CTTNBP2NL: variants seen among roughly 807,000 people sequenced by gnomAD.
CTTNBP2NL encodes CTTNBP2 N-terminal like.
CTTNBP2NL carries 16 observed loss-of-function variants against 32.5 expected under a neutral mutation model. That is an observed-to-expected ratio of 0.49 (90% confidence interval 0.33 to 0.75). The LOEUF (loss-of-function observed/expected upper bound fraction) is 0.75, where lower values mean the gene tolerates loss of function less well. Ranked by LOEUF, CTTNBP2NL falls within the 30% of genes least tolerant of loss-of-function variation. The pLI is 0.02. For missense variants in CTTNBP2NL, 645 were observed against 756.0 expected (o/e 0.85, Z 1.72); for synonymous variants, 298 against 289.4 (o/e 1.03, Z -0.30).
intron 3 of CTTNBP2NL, among the ~76,000 whole-genome samples, chr1:112,422,852 G>T (rs950586152): frequency 3.9e-5 from 6 of 152,104 alleles, no homozygotes; most frequent in Non-Finnish European, 8.8e-5. Flanking sequence ...GAGTACAGTG[G>T]TGTAATCATG....
chr1:112,416,392 C>A, intron 3 of CTTNBP2NL, 128 bp downstream of exon 3: 2 of 578,076 alleles, frequency 3.5e-6, no homozygotes, highest in South Asian at 2.2e-5. Flanking sequence ...CTGATACTTG[C>A]CATAGGTAGC....
At chr1:112,418,287 T>A (rs947016774) in intron 3 of CTTNBP2NL, among the ~76,000 whole-genome samples, 1 of 152,144 alleles carries the variant, frequency 6.6e-6, no homozygotes, top group Non-Finnish European at 1.5e-5. Flanking sequence ...AGAGCTACAT[T>A]CCTATTCCAA....
chr1:112,397,172 CAATGAAT>C (rs1316845671), intron 1 of CTTNBP2NL, among the ~76,000 whole-genome samples: 8 of 152,250 alleles, frequency 5.3e-5, no homozygotes, highest in Admixed American at 5.2e-4. Context: ...GCTTGACAGT[CAATGAAT>C]AACACCATGT....
At chr1:112,391,174 G>A in the CTTNBP2NL span, among the ~76,000 whole-genome samples, 1 of 152,324 alleles carries the variant, frequency 6.6e-6, no homozygotes, top group Non-Finnish European at 1.5e-5. Context: ...AAATGCAGGG[G>A]GCAGTGGAGG....
At chr1:112,431,805 G>T (rs998733698) in intron 3 of CTTNBP2NL, among the ~76,000 whole-genome samples, 5 of 151,938 alleles carry the variant, frequency 3.3e-5, no homozygotes, top group Admixed American at 6.6e-5. Flanking sequence ...ATGTAATTAG[G>T]TTTTATACAC....
intron 4 of CTTNBP2NL, among the ~76,000 whole-genome samples, chr1:112,451,588 A>G (rs1211776068): frequency 6.6e-6 from 1 of 151,418 alleles, no homozygotes; most frequent in African/African-American, 2.4e-5. Flanking sequence ...GCCAGCCAAC[A>G]TGGTGAAACC....
At chr1:112,392,982 C>T (rs1009504463), upstream of CTTNBP2NL, among the ~76,000 whole-genome samples, 2 of 152,100 alleles carry the variant, frequency 1.3e-5, no homozygotes, top group Non-Finnish European at 2.9e-5. Flanking sequence ...CTCAGTCTTC[C>T]AAGTAGCTGG....
intron 3 of CTTNBP2NL, among the ~76,000 whole-genome samples, chr1:112,418,353 C>T (rs1054195911): frequency 1.3e-5 from 2 of 152,086 alleles, no homozygotes; most frequent in African/African-American, 4.8e-5. Context: ...CCCATAATTA[C>T]GTTCTTTTTC....
chr1:112,424,429 C>A (rs1649329328), intron 3 of CTTNBP2NL, among the ~76,000 whole-genome samples: 1 of 152,084 alleles, frequency 6.6e-6, no homozygotes, highest in Non-Finnish European at 1.5e-5. Flanking sequence ...TTATTGTGGC[C>A]TTGTGGTAAC....
Position 112,456,712 on chromosome 1 carries a change from C to CT in CTTNBP2NL, c.1222dup (p.Ser408PhefsTer28). Reference sequence around the variant, plus strand: ...CCAGTCCCAATGCCCAGTCCCCTCTCTTCCAGTGGGAGCTCACTGTCTCCC... The same window carrying CT: ...CCAGTCCCAATGCCCAGTCCCCTCTCTTTCCAGTGGGAGCTCACTGTCTCCC... On this transcript the variant is annotated frameshift_variant, in exon 6 of 6. Coordinates refer to ENST00000271277, the MANE Select transcript of CTTNBP2NL (RefSeq NM_018704.3). LOFTEE classifies it low-confidence loss of function (END_TRUNC). 6.2e-7 allele frequency: 1 copy of CT among 1,614,142 alleles called. No individual in the cohort carries two copies. The highest frequency in any genetic ancestry group is 8.5e-7 in the Non-Finnish European group (1 of 1,180,020).
rs1284840662 is a variant in CTTNBP2NL at position 112,399,242 on chromosome 1, C to A, written c.-134+2970C>A. Among the ~76,000 whole-genome samples, 3 of 148,110 alleles carry A rather than the reference C, an allele frequency of 2.0e-5. No individual in the cohort carries two copies. In the East Asian group the frequency reaches 6.0e-4, roughly 30 times the overall value. ...GCTGAGGCAGCAGAATTGCTTGAAC[C>A]CAGGAGGCAGAGTTTGCAGTGAGCT... On this transcript the variant is annotated intron_variant, in intron 1 of 5. Coordinates refer to ENST00000271277, the MANE Select transcript of CTTNBP2NL (RefSeq NM_018704.3).
At chr1:112,447,270 TC>T (rs1189928304) in intron 3 of CTTNBP2NL, among the ~76,000 whole-genome samples, 2 of 82,732 alleles carry the variant, frequency 2.4e-5, no homozygotes, top group East Asian at 6.7e-4. Flanking sequence ...CGAGACTCCA[TC>T]TAAAAAAAAA....
In CTTNBP2NL at chr1:112,456,474, G is replaced by A; in HGVS notation, c.982G>A (p.Ala328Thr). Reference protein sequence around the residue: ...PAERTHGSNIAKMTNTGLPGP... With the variant: ...PAERTHGSNITKMTNTGLPGP... The stretch of plus-strand genomic sequence containing the variant: ...AGAAAGAACCCATGGGAGCAACATA[G>A]CCAAGATGACAAACACTGGGCTGCC... The change falls in exon 6 of 6, where the codon GCC becomes ACC. Residue 328 changes from alanine (A) to threonine (T), a missense_variant. Coordinates refer to ENST00000271277, the MANE Select transcript of CTTNBP2NL (RefSeq NM_018704.3). 5.0e-6 allele frequency: 8 copies of A among 1,614,156 alleles called. No individual in the cohort carries two copies. The highest frequency in any genetic ancestry group is 6.8e-6 in the Non-Finnish European group (8 of 1,180,042).
At chr1:112,438,383 T>C (rs1270138817) in intron 3 of CTTNBP2NL, among the ~76,000 whole-genome samples, 1 of 152,174 alleles carries the variant, frequency 6.6e-6, no homozygotes, top group Non-Finnish European at 1.5e-5. Context: ...GTGATTTTTG[T>C]ATGTTGATTT....
At chr1:112,453,710 C>T (rs1044139630) in intron 4 of CTTNBP2NL, among the ~76,000 whole-genome samples, 6 of 152,080 alleles carry the variant, frequency 3.9e-5, no homozygotes, top group African/African-American at 1.4e-4. Flanking sequence ...GCCATGATTG[C>T]ACTACTACAG....
chr1:112,414,312 C>G (rs762001034), intron 2 of CTTNBP2NL, among the ~76,000 whole-genome samples: 11 of 151,936 alleles, frequency 7.2e-5, no homozygotes, highest in Admixed American at 6.6e-5. Flanking sequence ...TGCAGTGAGC[C>G]GAAATCACCC....
intron 3 of CTTNBP2NL, among the ~76,000 whole-genome samples, chr1:112,433,010 T>C (rs1156788499): frequency 6.6e-6 from 1 of 152,158 alleles, no homozygotes; most frequent in African/African-American, 2.4e-5. Context: ...TTCCTTGGCT[T>C]CTGTGATATT....
chr1:112,425,987 GTGTGTGTGTGTGTGTGTC>G (rs1314900805), intron 3 of CTTNBP2NL, among the ~76,000 whole-genome samples: 22 of 130,638 alleles, frequency 1.7e-4, no homozygotes, highest in South Asian at 1.3e-3. Context: ...GTGTGTGTGT[GTGTGTGTGTGTGTGTGTC>G]TGTCTGTCTT....
At chr1:112,399,491 G>C (rs1317159863) in intron 1 of CTTNBP2NL, among the ~76,000 whole-genome samples, 4 of 152,134 alleles carry the variant, frequency 2.6e-5, no homozygotes, top group Non-Finnish European at 4.4e-5. Flanking sequence ...AATTATACAG[G>C]CTGATTATTG....
Sources: allele counts gnomAD v4.1 joint callset (sites outside exome capture counted in the v4.1 genomes callset), GRCh38; gene constraint gnomAD v4.1.1; transcripts MANE v1.5; gene names NCBI Gene and HGNC (gene_info 2026-07-23, HGNC 2026-07-21).